Variants in ZDHHC11 observed in about 807,000 individuals in gnomAD.
The protein encoded by ZDHHC11 is zDHHC palmitoyltransferase 11.
A neutral mutation model predicts 51.3 loss-of-function variants in ZDHHC11; 44 were observed. The observed-to-expected ratio is 0.86, with a 90% CI of 0.67 to 1.10. The LOEUF (loss-of-function observed/expected upper bound fraction) is 1.10. Ranked by LOEUF, ZDHHC11 falls within the 50% of genes least tolerant of loss-of-function variation. ZDHHC11 has a pLI of 0.00. For synonymous variants in ZDHHC11, 163 were observed against 222.0 expected (o/e 0.73, Z 2.36); for missense variants, 400 against 537.7 (o/e 0.74, Z 2.53).
chr5:845,944 T>A (rs1339384967), intron 3 of ZDHHC11, among the ~76,000 whole-genome samples: 2 of 150,080 alleles, frequency 1.3e-5, no homozygotes, highest in Non-Finnish European at 3.0e-5. Context: ...CACCTGCCTG[T>A]GGGCCCTCAC....
rs566423369 is a variant in ZDHHC11, at chr5:856,867, A to G, written c.-1+2007T>C. Among the ~76,000 whole-genome samples the G allele has an allele frequency of 2.4e-3, 361 of 150,438 alleles. 3 individuals carry two copies. Among genetic ancestry groups the G allele is most frequent in the African/African-American group, 8.4e-3 (345 of 40,874 alleles). ...AAACATCACACCACATACTGCACAC[A>G]TACCACACCCCCAAAATACCACACA... On this transcript the variant is annotated intron_variant, in intron 1 of 3. Coordinates refer to the ZDHHC11 transcript ENST00000685990.
intron 1 of ZDHHC11, among the ~76,000 whole-genome samples, chr5:848,883 G>A (rs1019166875): frequency 5.7e-5 from 8 of 141,516 alleles, no homozygotes; most frequent in Non-Finnish European, 1.1e-4. Flanking sequence ...TCACCTGGGC[G>A]TGCTCACCTG....
chr5:809,011 A>G (rs1293693345), intron 11 of ZDHHC11, among the ~76,000 whole-genome samples: 11 of 147,304 alleles, frequency 7.5e-5, no homozygotes, highest in East Asian at 1.9e-4. Flanking sequence ...ACACACACAC[A>G]CACGCACACT....
In ZDHHC11 at chr5:806,825, T is replaced by A. The variant is rs4957108; in HGVS notation, c.1182-5661A>T. On this transcript the variant is annotated intron_variant, in intron 11 of 12. Transcript: ENST00000283441. ...GAAGAAGGCCACAATAAGCCACCAG[T>A]TCACACTACTCGACTGTCAATTCCA... Among the ~76,000 whole-genome samples the A allele has an allele frequency of 8.5e-3, 1,289 of 151,194 alleles. 73 individuals are homozygous for A. Among genetic ancestry groups the A allele is most frequent in the Admixed American group, 0.051 (769 of 15,180 alleles).
At chr5:822,044 G>T in intron 8 of ZDHHC11, 149 bp from the exon 9 acceptor site, 1 of 660,424 alleles carries the variant, frequency 1.5e-6, no homozygotes. Context: ...GGATCTCAGT[G>T]GTGACACAGC....
intron 4 of ZDHHC11, chr5:843,369 A>G (rs1745384146): frequency 4.3e-6 from 3 of 703,416 alleles, no homozygotes; most frequent in South Asian, 1.9e-5. Context: ...GGCAGCATCT[A>G]CAGAGCAGCG....
intron 7 of ZDHHC11, among the ~76,000 whole-genome samples, chr5:828,765 T>C (rs1264685509): frequency 2.0e-5 from 3 of 148,768 alleles, no homozygotes; most frequent in Non-Finnish European, 3.0e-5. Flanking sequence ...AAAACAAGTT[T>C]CAATGAATTT....
upstream of ZDHHC11, among the ~76,000 whole-genome samples, chr5:853,867 G>A (rs1398393044): frequency 1.3e-4 from 19 of 148,340 alleles, no homozygotes; most frequent in Non-Finnish European, 1.5e-4. Context: ...TGAGCAGCGG[G>A]GACAGACCCC....
intron 10 of ZDHHC11, chr5:816,595 C>T (rs1357671754): frequency 1.6e-6 from 1 of 628,336 alleles, no homozygotes; most frequent in East Asian, 3.7e-5. Context: ...ACGGTCACCT[C>T]ACCATCTGTA....
intron 10 of ZDHHC11, chr5:816,956 G>A: frequency 3.3e-6 from 1 of 299,986 alleles, no homozygotes; most frequent in South Asian, 3.8e-5. Flanking sequence ...AGCCTGAAAT[G>A]TCCAGGCTCC....
rs1372279523 is a variant in ZDHHC11, at chr5:846,339, T to C, written c.503+1175A>G. ...AGGCCTCTTTCAGGTCAGCACAGAG[T>C]AGCTGGGGAGCAGGCGTGGTTCTTT... On this transcript the variant is annotated intron_variant, in intron 3 of 12. Coordinates refer to ENST00000283441, the MANE Select transcript of ZDHHC11 (RefSeq NM_024786.3). Among the ~76,000 whole-genome samples, 3 of 150,982 alleles carry C rather than the reference T, an allele frequency of 2.0e-5. No individual in the cohort carries two copies. In the East Asian group the frequency reaches 5.8e-4, roughly 29 times the overall value.
At chr5:822,534 CAT>C (rs56673707) in intron 8 of ZDHHC11, among the ~76,000 whole-genome samples, 32,956 of 148,660 alleles carry the variant, frequency 0.22, 5,384 homozygotes, top group African/African-American at 0.49. Context: ...AGTGCTGGCT[CAT>C]ATGATAAGTA....
At chr5:849,522 A>G (rs1055728835) in intron 1 of ZDHHC11, 1 of 152,258 alleles carries the variant, frequency 6.6e-6, no homozygotes, top group Non-Finnish European at 1.5e-5. Flanking sequence ...CGCTCCCTGT[A>G]GACCCCAGAC....
At chr5:841,951 G>C in intron 4 of ZDHHC11, 1 of 989,794 alleles carries the variant, frequency 1.0e-6, no homozygotes, top group Non-Finnish European at 1.2e-6. Context: ...CAGCCTGACA[G>C]GACCGCAGCT....
chr5:837,568 G>T, intron 5 of ZDHHC11, 88 bp from the exon 6 acceptor site: 1 of 1,406,740 alleles, frequency 7.1e-7, no homozygotes, highest in Non-Finnish European at 1.0e-6. Context: ...AGTGGCCAGT[G>T]CCACTGATCC....
intron 7 of ZDHHC11, among the ~76,000 whole-genome samples, chr5:829,333 A>G (rs1742762561): frequency 6.6e-6 from 1 of 151,848 alleles, no homozygotes; most frequent in Non-Finnish European, 1.5e-5. Context: ...AACTGATACC[A>G]CAGGAATACA....
At position 835,424 on chromosome 5, in the gene ZDHHC11, G is replaced by C. The variant is rs1300779194; in HGVS notation, c.901-1617C>G. Among the ~76,000 whole-genome samples the C allele has an allele frequency of 2.0e-5, 3 of 151,778 alleles. No individual in the cohort carries two copies. The East Asian group carries it at 5.8e-4, about 29-fold the overall frequency. On this transcript the variant is annotated intron_variant, in intron 6 of 12. Coordinates refer to ENST00000283441, the MANE Select transcript of ZDHHC11 (RefSeq NM_024786.3). Reference sequence around the variant, plus strand: ...TTTCTCTATATCTGTCTCTGTCGGTGCCACACTGTTTTTATTACTGTAGCT... The same window carrying C: ...TTTCTCTATATCTGTCTCTGTCGGTCCCACACTGTTTTTATTACTGTAGCT...
At position 821,989 on chromosome 5, in the gene ZDHHC11, C is replaced by T. The variant is rs1349614396; in HGVS notation, c.1024-94G>A. ...TCCATTTCTAGTCAGTTCTGACAGT[C>T]ACTTCTGAGTAATGGTACATCAAGG... On this transcript the variant is annotated intron_variant, in intron 8 of 12. Coordinates refer to ENST00000283441, the MANE Select transcript of ZDHHC11 (RefSeq NM_024786.3). The T allele has an allele frequency of 2.3e-5, 27 of 1,151,678 alleles. 1 individual carries two copies. Among genetic ancestry groups the T allele is most frequent in the African/African-American group, 2.9e-5 (2 of 68,496 alleles). The allele number at this position is 1,151,678 out of a possible 1,614,324, so 71.3% of individuals were successfully genotyped here.
upstream of ZDHHC11, among the ~76,000 whole-genome samples, chr5:854,763 C>A (rs114483219): frequency 6.9e-6 from 1 of 145,958 alleles, no homozygotes; most frequent in Admixed American, 6.8e-5. Context: ...GACAGCGAGC[C>A]GGAGGGCACA....
Sources: allele counts gnomAD v4.1 joint callset (sites outside exome capture counted in the v4.1 genomes callset), GRCh38; gene constraint gnomAD v4.1.1; transcripts MANE v1.5; gene names NCBI Gene and HGNC (gene_info 2026-07-23, HGNC 2026-07-21).